ZMIZ1: variants seen among roughly 807,000 people sequenced by gnomAD.
The protein encoded by ZMIZ1 is zinc finger MIZ domain-containing protein 1.
A neutral mutation model predicts 113.9 loss-of-function variants in ZMIZ1; 17 were observed. The ratio of observed to expected loss-of-function variants is 0.15; its 90% confidence interval spans 0.10 to 0.22. The LOEUF is 0.22. Among genes scored for constraint, ZMIZ1 ranks in the 10% least tolerant of loss-of-function variants. The pLI is 1.00. For missense variants in ZMIZ1, 1,059 were observed against 1,477.8 expected (o/e 0.72, Z 4.65); for synonymous variants, 607 against 603.1 (o/e 1.01, Z -0.09).
chr10:79,161,136 C>T (rs1384367232), intron 3 of ZMIZ1, among the ~76,000 whole-genome samples: 1 of 152,216 alleles, frequency 6.6e-6, no homozygotes, highest in Non-Finnish European at 1.5e-5. Flanking sequence ...TGCCCACACT[C>T]CCAGTGCACC....
intron 3 of ZMIZ1, among the ~76,000 whole-genome samples, chr10:79,146,633 G>A (rs769605217): frequency 2.0e-5 from 3 of 152,234 alleles, no homozygotes; most frequent in East Asian, 1.9e-4. Context: ...GTCAGGGAAC[G>A]GCTGGGTGGC....
At chr10:79,215,263 C>G (rs930405006) in intron 6 of ZMIZ1, among the ~76,000 whole-genome samples, 5 of 151,624 alleles carry the variant, frequency 3.3e-5, no homozygotes, top group African/African-American at 9.7e-5. Context: ...GCAGCTCTGA[C>G]CTGAAGCCCT....
intron 2 of ZMIZ1, among the ~76,000 whole-genome samples, chr10:79,138,567 T>C (rs1210707429): frequency 1.3e-5 from 2 of 152,134 alleles, no homozygotes; most frequent in Admixed American, 6.5e-5. Flanking sequence ...AGAGAGACAG[T>C]ACTAAAGGCT....
rs898253804 is a variant in ZMIZ1, at chr10:79,127,080, C to G, written c.-227+8056C>G. ...TTCTCTTTGCTGTGACCAACTCCTT[C>G]TTTCCTCCTTCTGCCTCCTTCCCTC... On this transcript the variant is annotated intron_variant, in intron 2 of 24. Transcript: ENST00000334512. 2.7e-5 allele frequency among the ~76,000 whole-genome samples: 4 copies of G among 150,684 alleles called. No individual in the cohort carries two copies. The East Asian group carries it at 7.7e-4, about 29-fold the overall frequency.
intron 2 of ZMIZ1, among the ~76,000 whole-genome samples, chr10:79,120,620 G>A (rs1844249265): frequency 6.6e-6 from 1 of 152,216 alleles, no homozygotes; most frequent in Non-Finnish European, 1.5e-5. Context: ...AACAGGAATC[G>A]TCCCTGTCCG....
At chr10:79,189,224 T>C (rs1175655023) in intron 4 of ZMIZ1, among the ~76,000 whole-genome samples, 1 of 152,212 alleles carries the variant, frequency 6.6e-6, no homozygotes, top group Admixed American at 6.5e-5. Context: ...GCCAATGGCA[T>C]GGGACCCCTG....
At chr10:79,176,364 T>G (rs772349438) in intron 4 of ZMIZ1, among the ~76,000 whole-genome samples, 1 of 152,010 alleles carries the variant, frequency 6.6e-6, no homozygotes, top group Non-Finnish European at 1.5e-5. Flanking sequence ...AGCAAGAGAC[T>G]GGGTGTCTGC....
intron 7 of ZMIZ1, among the ~76,000 whole-genome samples, chr10:79,239,794 G>A (rs939671962): frequency 1.3e-5 from 2 of 152,102 alleles, no homozygotes; most frequent in East Asian, 1.9e-4. Flanking sequence ...GGTAATGCTG[G>A]GACAGGATCC....
intron 8 of ZMIZ1, among the ~76,000 whole-genome samples, chr10:79,281,799 G>T (rs1852756019): frequency 6.6e-6 from 1 of 152,230 alleles, no homozygotes; most frequent in Non-Finnish European, 1.5e-5. Flanking sequence ...GGAAAATTGG[G>T]CCCAGAGTAG....
intron 1 of ZMIZ1, among the ~76,000 whole-genome samples, chr10:79,076,536 T>A (rs1842480784): frequency 2.0e-5 from 3 of 152,092 alleles, no homozygotes; most frequent in African/African-American, 7.2e-5. Flanking sequence ...CATTGTGAAT[T>A]TGAGAGAAGT....
intron 1 of ZMIZ1, among the ~76,000 whole-genome samples, chr10:79,114,502 T>TGC (rs1554852489): frequency 1.5e-4 from 11 of 73,496 alleles, no homozygotes; most frequent in Non-Finnish European, 2.2e-4. Flanking sequence ...TGCGTGTGTG[T>TGC]GTGCGTGTGT....
intron 1 of ZMIZ1, among the ~76,000 whole-genome samples, chr10:79,074,530 C>A (rs1052477093): frequency 6.6e-6 from 1 of 152,242 alleles, no homozygotes; most frequent in Non-Finnish European, 1.5e-5. Context: ...CAGGTCTATA[C>A]ATGGGGCTTC....
chr10:79,146,412 C>T (rs1845486421), intron 3 of ZMIZ1, among the ~76,000 whole-genome samples: 1 of 152,206 alleles, frequency 6.6e-6, no homozygotes, highest in African/African-American at 2.4e-5. Context: ...TTGGACTAGA[C>T]ACCCCCTTCT....
chr10:79,242,047 GC>G (rs1849857118), intron 7 of ZMIZ1, among the ~76,000 whole-genome samples: 2 of 152,128 alleles, frequency 1.3e-5, no homozygotes, highest in Non-Finnish European at 2.9e-5. Flanking sequence ...GGGGGAGGGA[GC>G]TATAAAATAC....
chr10:79,113,405 G>C (rs1843835306), intron 1 of ZMIZ1, among the ~76,000 whole-genome samples: 1 of 152,196 alleles, frequency 6.6e-6, no homozygotes. Context: ...AGGTGCTGCT[G>C]CCCGGGCAGC....
chr10:79,309,413 G>A (rs1168167630), intron 23 of ZMIZ1, among the ~76,000 whole-genome samples: 1 of 152,220 alleles, frequency 6.6e-6, no homozygotes, highest in Non-Finnish European at 1.5e-5. Flanking sequence ...CTACAGGAGT[G>A]GGAGCCCTAA....
At chr10:79,194,562 G>A (rs1003869182) in intron 4 of ZMIZ1, among the ~76,000 whole-genome samples, 31 of 152,318 alleles carry the variant, frequency 2.0e-4, no homozygotes, top group African/African-American at 6.5e-4. Flanking sequence ...TCCCCCAGCC[G>A]TTGAGACCGT....
At chr10:79,201,459 G>A in intron 4 of ZMIZ1, 125 bp from the exon 5 acceptor site, 1 of 706,360 alleles carries the variant, frequency 1.4e-6, no homozygotes, top group Non-Finnish European at 2.4e-6. Flanking sequence ...CCCAGGTGCA[G>A]CCCCACAGGG....
intron 8 of ZMIZ1, among the ~76,000 whole-genome samples, chr10:79,282,471 C>G (rs2131995171): frequency 6.6e-6 from 1 of 152,264 alleles, no homozygotes; most frequent in East Asian, 1.9e-4. Context: ...CCGCCCTGCC[C>G]CGAGGGACGG....
Sources: allele counts gnomAD v4.1 joint callset (sites outside exome capture counted in the v4.1 genomes callset), GRCh38; gene constraint gnomAD v4.1.1; transcripts MANE v1.5; gene names NCBI Gene and HGNC (gene_info 2026-07-23, HGNC 2026-07-21).